The following TPRX1 variants were observed in gnomAD, a reference collection of about 807,000 sequenced individuals.
TPRX1 encodes tetrapeptide repeat homeobox 1, also known as tetra-peptide repeat homeobox protein 1.
TPRX1 carries 2 observed loss-of-function variants against 8.1 expected under a neutral mutation model. That is an observed-to-expected ratio of 0.25 (90% confidence interval 0.10 to 0.78). The LOEUF (loss-of-function observed/expected upper bound fraction) is 0.78. TPRX1 is among the 30% of genes least tolerant of loss of function. The probability of loss-of-function intolerance (pLI) is 0.70; values close to 1 mark genes in which losing one functional copy is unlikely to be tolerated. For synonymous variants in TPRX1, 257 were observed against 254.1 expected, an observed-to-expected ratio of 1.01 and a Z score of -0.11; for missense variants, 517 against 586.9, an observed-to-expected ratio of 0.88 and a Z score of 1.23.
intron 2 of TPRX1, among the ~76,000 whole-genome samples, chr19:47,811,647 C>T (rs370090851): frequency 2.6e-5 from 4 of 151,004 alleles, no homozygotes; most frequent in Non-Finnish European, 1.5e-5. Flanking sequence ...TACAGTCATG[C>T]GCCACCACGC....
intron 2 of TPRX1, among the ~76,000 whole-genome samples, chr19:47,809,336 A>G (rs984124641): frequency 4.0e-5 from 6 of 151,410 alleles, no homozygotes; most frequent in African/African-American, 1.2e-4. Flanking sequence ...GCTGCGTTGC[A>G]CTGTCATGAT....
chr19:47,814,054 T>C (rs1967809679), intron 2 of TPRX1, among the ~76,000 whole-genome samples: 1 of 140,654 alleles, frequency 7.1e-6, no homozygotes, highest in Non-Finnish European at 1.6e-5. Context: ...GGTGCCAACA[T>C]TGCTGATTTT....
chr19:47,818,278 T>TC (rs748387582), intron 2 of TPRX1, among the ~76,000 whole-genome samples: 1 of 98,602 alleles, frequency 1.0e-5, no homozygotes, highest in South Asian at 3.4e-4. Context: ...CATCCATCCA[T>TC]CACCCATCCA....
At chr19:47,802,396 G>A (rs1255836309) in exon 4 of TPRX1, 1 of 1,299,004 alleles carries the variant, frequency 7.7e-7, no homozygotes, top group South Asian at 1.3e-5. Flanking sequence ...CTGGGATCGG[G>A]CCTGGGATCG....
chr19:47,803,870 C>G (rs1967708950), intron 2 of TPRX1, among the ~76,000 whole-genome samples, 197 bp from the exon 2 acceptor site: 1 of 151,966 alleles, frequency 6.6e-6, no homozygotes, highest in African/African-American at 2.4e-5. Context: ...GGCGCGATAA[C>G]AGCTCCTGGG....
chr19:47,806,337 G>A (rs1189789034), intron 2 of TPRX1, among the ~76,000 whole-genome samples: 2 of 152,074 alleles, frequency 1.3e-5, no homozygotes, highest in Non-Finnish European at 2.9e-5. Flanking sequence ...TGGTCGACAT[G>A]GTGAAAATCC....
rs1967686536 is a variant in TPRX1 at position 47,802,542 on chromosome 19, T to G, written c.760A>C (p.Ile254Leu). Residue 254 changes from isoleucine (I) to leucine (L), a missense_variant, in exon 4 of 4, where the codon ATT becomes CTT. Physicochemically the swap from Ile to Leu is conservative, Grantham distance 5. This residue lies in a region of TPRX1 where 506 missense variants were observed against 515.5 expected (regional missense o/e 0.98). Transcript: ENST00000535759. ...CCTGGGATCGGGGCTGGGCCTGAAATTGGGCCTGGGATTGGGCCACGGAAT... is the reference window on the plus strand; with the variant it reads ...CCTGGGATCGGGGCTGGGCCTGAAAGTGGGCCTGGGATTGGGCCACGGAAT... The G allele has an allele frequency of 2.6e-6, 4 of 1,542,398 alleles. No homozygotes were observed. In the South Asian group the frequency reaches 3.6e-5, roughly 14 times the overall value.
At chr19:47,817,071 G>T (rs117496690) in intron 2 of TPRX1, among the ~76,000 whole-genome samples, 1 of 152,124 alleles carries the variant, frequency 6.6e-6, no homozygotes, top group South Asian at 2.1e-4. Flanking sequence ...TGTGGAGTTC[G>T]GCACCCACTG....
exon 4 of TPRX1, chr19:47,801,884 T>G (rs1197591905): frequency 6.2e-7 from 1 of 1,614,004 alleles, no homozygotes; most frequent in African/African-American, 1.3e-5. Flanking sequence ...ATCCCCTTCT[T>G]GGTACTGAGA....
intron 2 of TPRX1, among the ~76,000 whole-genome samples, chr19:47,810,942 G>A (rs1287625945): frequency 6.6e-6 from 1 of 150,870 alleles, no homozygotes; most frequent in Non-Finnish European, 1.5e-5. Flanking sequence ...TGACATTGGG[G>A]TTCCTCTCGG....
chr19:47,802,357 T>TGGGCCTGAGATA lies in TPRX1; in HGVS notation c.944_945insTATCTCAGGCCC (p.Ile312_Pro315dup), dbSNP rs1568613607. 1.1e-5 allele frequency: 14 copies of TGGGCCTGAGATA among 1,268,662 alleles called. 1 individual carries two copies. The East Asian group carries it at 1.3e-4, about 11-fold the overall frequency. The allele number at this position is 1,268,662 out of a possible 1,614,324, so 78.6% of individuals were successfully genotyped here. On this transcript the variant is annotated inframe_insertion, in exon 4 of 4. Transcript: ENST00000535759. ...TTGGGCCTGGGATCGGGCCTGGGTT[T>TGGGCCTGAGATA]GGGCCTGAGATTGGGCCTGAGATTG...
At chr19:47,805,778 T>G (rs1424551481) in intron 2 of TPRX1, among the ~76,000 whole-genome samples, 1 of 152,200 alleles carries the variant, frequency 6.6e-6, no homozygotes, top group East Asian at 1.9e-4. Context: ...GCTATTTATT[T>G]GGTCAATAAA....
chr19:47,814,282 T>C (rs1479065808), intron 2 of TPRX1, among the ~76,000 whole-genome samples: 3 of 152,082 alleles, frequency 2.0e-5, no homozygotes, highest in African/African-American at 4.8e-5. Flanking sequence ...CTCGAACTCC[T>C]GAACTTAAGT....
At chr19:47,811,772 C>T (rs1435864750) in intron 2 of TPRX1, among the ~76,000 whole-genome samples, 1 of 152,090 alleles carries the variant, frequency 6.6e-6, no homozygotes, top group African/African-American at 2.4e-5. Flanking sequence ...GCTGGGATTA[C>T]AGGCGTGAGC....
intron 2 of TPRX1, among the ~76,000 whole-genome samples, chr19:47,811,303 C>T (rs1436147550): frequency 2.0e-5 from 3 of 150,900 alleles, no homozygotes; most frequent in East Asian, 2.0e-4. Flanking sequence ...CGCACCTGGC[C>T]GGCCCTGAGT....
chr19:47,803,229 G>A (rs1967700174), intron 3 of TPRX1, among the ~76,000 whole-genome samples: 1 of 151,970 alleles, frequency 6.6e-6, no homozygotes. Flanking sequence ...GGGGGGCCAG[G>A]GAGGGTTCGA....
At chr19:47,817,393 G>A (rs182313890) in intron 2 of TPRX1, among the ~76,000 whole-genome samples, 199 of 152,018 alleles carry the variant, frequency 1.3e-3, no homozygotes, top group African/African-American at 4.7e-3. Context: ...CACGTCAGCG[G>A]CAGAGCCAGA....
At chr19:47,807,939 T>C (rs1275960809) in intron 2 of TPRX1, among the ~76,000 whole-genome samples, 1 of 151,750 alleles carries the variant, frequency 6.6e-6, no homozygotes, top group Non-Finnish European at 1.5e-5. Context: ...GACTCAATGA[T>C]TTTTTTTGAG....
intron 2 of TPRX1, among the ~76,000 whole-genome samples, chr19:47,813,546 G>C (rs1177828300): frequency 6.6e-6 from 1 of 152,098 alleles, no homozygotes; most frequent in African/African-American, 2.4e-5. Context: ...TCCAGGCGCG[G>C]GGAGCAAGAT....
Sources: allele counts gnomAD v4.1 joint callset (sites outside exome capture counted in the v4.1 genomes callset), GRCh38; gene constraint gnomAD v4.1.1; regional missense constraint gnomAD v4.1.1; transcripts MANE v1.5; gene names NCBI Gene and HGNC (gene_info 2026-07-23, HGNC 2026-07-21).